ZNF280D: variants seen among roughly 807,000 people sequenced by gnomAD.
ZNF280D encodes zinc finger protein 280D, also known as suppressor of hairy wing homolog 4.
A neutral mutation model predicts 94.7 loss-of-function variants in ZNF280D; 39 were observed. The ratio of observed to expected loss-of-function variants is 0.41; its 90% CI spans 0.32 to 0.54. ZNF280D has a LOEUF of 0.54. Among genes scored for constraint, ZNF280D ranks in the 20% least tolerant of loss-of-function variants. The probability of loss-of-function intolerance (pLI) is 0.22; values close to 1 mark genes in which losing one functional copy is unlikely to be tolerated. For missense variants in ZNF280D, 1,090 were observed against 1,149.3 expected (o/e 0.95, Z 0.75); for synonymous variants, 398 against 377.6 (o/e 1.05, Z -0.63).
At chr15:56,641,899 C>T (rs2052646060) in intron 20 of ZNF280D, among the ~76,000 whole-genome samples, 1 of 151,634 alleles carries the variant, frequency 6.6e-6, no homozygotes, top group Admixed American at 6.6e-5. Context: ...CCTAAAAAAA[C>T]TGTCTAAAGT....
chr15:56,729,912 A>C (rs905210303), intron 1 of ZNF280D: 5 of 152,256 alleles, frequency 3.3e-5, no homozygotes, highest in African/African-American at 1.2e-4. Context: ...TAGGAGTGTT[A>C]TGTAATTAAA....
At chr15:56,732,885 TA>T (rs2058968276) in intron 1 of ZNF280D, 1 of 152,162 alleles carries the variant, frequency 6.6e-6, no homozygotes, top group African/African-American at 2.4e-5. Flanking sequence ...CTGTAGACAA[TA>T]ACGGGAATTC....
intron 19 of ZNF280D, chr15:56,653,093 T>A: frequency 1.0e-6 from 1 of 987,542 alleles, no homozygotes; most frequent in Non-Finnish European, 1.2e-6. Context: ...AGATTTTATA[T>A]GTCAGTAAAA....
At chr15:56,679,839 T>C (rs1482832308) in intron 10 of ZNF280D, among the ~76,000 whole-genome samples, 1 of 152,222 alleles carries the variant, frequency 6.6e-6, no homozygotes, top group Non-Finnish European at 1.5e-5. Context: ...TGGGCTATGG[T>C]ACACCTTGAA....
At chr15:56,669,521 T>C (rs1053780398) in intron 13 of ZNF280D, among the ~76,000 whole-genome samples, 3 of 151,816 alleles carry the variant, frequency 2.0e-5, no homozygotes, top group Non-Finnish European at 2.9e-5. Context: ...CATGTGGTTA[T>C]TGAGCACCTG....
chr15:56,689,910 T>A (rs914206988), intron 7 of ZNF280D, among the ~76,000 whole-genome samples: 1 of 152,194 alleles, frequency 6.6e-6, no homozygotes, highest in African/African-American at 2.4e-5. Flanking sequence ...ACTCTTAAGA[T>A]GCTTTTTTCA....
chr15:56,717,546 T>C (rs1188709597), intron 1 of ZNF280D, among the ~76,000 whole-genome samples: 7 of 152,090 alleles, frequency 4.6e-5, no homozygotes, highest in African/African-American at 1.7e-4. Context: ...CATTCTACTA[T>C]GTTATCGCCA....
At position 56,715,297 on chromosome 15, in the gene ZNF280D, A is replaced by T. The variant is rs1482594318; in HGVS notation, c.-85-7991T>A. Among the ~76,000 whole-genome samples, 3 of 152,162 alleles carry T rather than the reference A, an allele frequency of 2.0e-5. 1 individual carries two copies. The East Asian group carries it at 5.8e-4, about 29-fold the overall frequency. ...TAGCACTTTTTTTAAAAAATAAAAC[A>T]TGTTTACTGAAAATGGTTCAAACAT... is the stretch of plus-strand genomic sequence containing the variant. On this transcript the variant is annotated intron_variant, in intron 1 of 21. Coordinates refer to ENST00000267807, the MANE Select transcript of ZNF280D (RefSeq NM_017661.4).
chr15:56,699,981 A>C (rs1236240753), intron 6 of ZNF280D: 1 of 157,410 alleles, frequency 6.4e-6, no homozygotes, highest in Non-Finnish European at 1.4e-5. Context: ...ACACTAAGGC[A>C]CCAGCAGCTT....
chr15:56,677,708 T>G, intron 11 of ZNF280D, 34 bp from the exon 12 acceptor site: 2 of 894,648 alleles, frequency 2.2e-6, no homozygotes, highest in Non-Finnish European at 3.1e-6. Context: ...TAATAATATT[T>G]AAGATATTAA....
intron 6 of ZNF280D, among the ~76,000 whole-genome samples, chr15:56,693,489 A>G (rs1444591235): frequency 2.6e-5 from 4 of 152,072 alleles, no homozygotes; most frequent in African/African-American, 9.7e-5. Context: ...ACTGCTGACT[A>G]GAAAACTAAA....
intron 13 of ZNF280D, among the ~76,000 whole-genome samples, chr15:56,676,068 A>G (rs539859973): frequency 6.6e-6 from 1 of 152,228 alleles, no homozygotes; most frequent in South Asian, 2.1e-4. Flanking sequence ...TTATATAGCA[A>G]AACTGGTGGA....
At chr15:56,669,929 ATATATATTATATATATATATTAT>A (rs2054652894) in intron 13 of ZNF280D, among the ~76,000 whole-genome samples, 1 of 9,274 alleles carries the variant, frequency 1.1e-4, no homozygotes, top group Non-Finnish European at 1.9e-4. Context: ...TATATATTAT[ATATATATTATATATATATATTAT>A]ATATATATAT....
intron 20 of ZNF280D, among the ~76,000 whole-genome samples, chr15:56,640,986 T>C (rs1447672498): frequency 1.3e-5 from 2 of 152,080 alleles, no homozygotes; most frequent in African/African-American, 4.8e-5. Flanking sequence ...TTTTCTCCAG[T>C]TTAGAAATTC....
intron 19 of ZNF280D, among the ~76,000 whole-genome samples, chr15:56,649,268 T>C (rs1250360465): frequency 2.6e-5 from 4 of 152,150 alleles, no homozygotes; most frequent in African/African-American, 9.7e-5. Flanking sequence ...AAAATGGTAG[T>C]AACCTCAGAA....
At chr15:56,653,880 A>G (rs1014067991) in intron 19 of ZNF280D, 290 of 1,238,888 alleles carry the variant, frequency 2.3e-4, no homozygotes, top group Non-Finnish European at 2.9e-4. Context: ...ACACAAAGAT[A>G]AGGTGGAATA....
chr15:56,701,977 T>C (rs2057102986), intron 4 of ZNF280D, among the ~76,000 whole-genome samples: 2 of 143,132 alleles, frequency 1.4e-5, no homozygotes, highest in South Asian at 2.1e-4. Context: ...TTTGGAAGCA[T>C]GAGGATTTGC....
intron 1 of ZNF280D, among the ~76,000 whole-genome samples, chr15:56,710,352 G>A (rs1345247796): frequency 2.6e-5 from 4 of 152,018 alleles, no homozygotes; most frequent in Non-Finnish European, 5.9e-5. Flanking sequence ...AGGTTGCAGT[G>A]AGCTGAGACT....
chr15:56,632,115 C>T lies in ZNF280D; in HGVS notation c.2323G>A (p.Asp775Asn), dbSNP rs1353091807. The part of the protein sequence containing the change: ...TETSNSESKQ[D>N]KAASSKEKNG... The stretch of plus-strand genomic sequence containing the variant: ...TTTTCTTTTGAAGAAGCAGCTTTAT[C>T]TTGTTTACTGAAAAATAAAGTCATT... Residue 775 changes from aspartate to asparagine, a missense_variant, in exon 22 of 22, where the codon GAT becomes AAT. This residue lies in a region of ZNF280D where 577 missense variants were observed against 568.8 expected (regional missense o/e 1.01). Transcript: ENST00000267807. The T allele has an allele frequency of 6.4e-7, 1 of 1,564,318 alleles. No homozygotes were observed. The highest frequency in any genetic ancestry group is 2.3e-5 in the East Asian group (1 of 44,284).
Sources: allele counts gnomAD v4.1 joint callset (sites outside exome capture counted in the v4.1 genomes callset), GRCh38; gene constraint gnomAD v4.1.1; regional missense constraint gnomAD v4.1.1; transcripts MANE v1.5; gene names NCBI Gene and HGNC (gene_info 2026-07-23, HGNC 2026-07-21).